Variants in SBF2 observed in about 807,000 individuals in gnomAD.
SBF2 encodes the protein myotubularin-related protein 13.
In SBF2, 112 loss-of-function variants were observed where a neutral mutation model predicts 225.2. The observed-to-expected ratio is 0.50, with a 90% CI of 0.43 to 0.58. The LOEUF is 0.58. SBF2 is among the 20% of genes least tolerant of loss of function. The pLI is 0.00. For missense variants in SBF2, 1,996 were observed against 2,206.2 expected (o/e 0.90, Z 1.91); for synonymous variants, 763 against 773.3 (o/e 0.99, Z 0.22).
chr11:9,967,943 G>C (rs34300530), intron 14 of SBF2, among the ~76,000 whole-genome samples: 20,556 of 101,518 alleles, frequency 0.2, 2,097 homozygotes, highest in Non-Finnish European at 0.29. Context: ...CTGTCTGTCT[G>C]TCTGTCTCTC....
At chr11:10,180,721 G>T (rs1956705415) in intron 2 of SBF2, among the ~76,000 whole-genome samples, 1 of 151,956 alleles carries the variant, frequency 6.6e-6, no homozygotes, top group East Asian at 1.9e-4. Context: ...TGCCCCATTG[G>T]GGCTATTTTC....
chr11:10,175,277 C>A (rs1301850943), intron 2 of SBF2, among the ~76,000 whole-genome samples: 1 of 151,558 alleles, frequency 6.6e-6, no homozygotes, highest in African/African-American at 2.4e-5. Flanking sequence ...ATCTCACGTG[C>A]AGAGACACAC....
At chr11:10,021,302 G>A (rs1948848507) in intron 6 of SBF2, among the ~76,000 whole-genome samples, 1 of 152,158 alleles carries the variant, frequency 6.6e-6, no homozygotes, top group African/African-American at 2.4e-5. Context: ...AACGGGTATG[G>A]ATTAGATTAA....
At chr11:9,802,354 G>C (rs757265937) in intron 32 of SBF2, among the ~76,000 whole-genome samples, 20 of 152,166 alleles carry the variant, frequency 1.3e-4, no homozygotes, top group Non-Finnish European at 2.5e-4. Context: ...TTGACACCTG[G>C]ATATACTGGC....
rs533835650 is a variant in SBF2, at chr11:10,132,831, C to T, written c.141+61071G>A. On this transcript the variant is annotated intron_variant, in intron 2 of 39. Coordinates refer to ENST00000256190, the MANE Select transcript of SBF2 (RefSeq NM_030962.4). ...CCGAGTGGCCTGTTTTGTCAGGGCG[C>T]TGATTGGTGCGTTTACAATCCCTGA... Among the ~76,000 whole-genome samples the T allele has an allele frequency of 1.0e-3, 150 of 149,044 alleles. 5 individuals are homozygous for T. Among genetic ancestry groups the T allele is most frequent in the Non-Finnish European group, 1.8e-3 (119 of 67,434 alleles).
intron 18 of SBF2, among the ~76,000 whole-genome samples, 172 bp downstream of exon 18, chr11:9,858,054 G>T (rs537794986): frequency 1.4e-4 from 21 of 152,182 alleles, no homozygotes; most frequent in African/African-American, 4.8e-4. Context: ...AGTTATTATG[G>T]AAAAACATAA....
intron 2 of SBF2, among the ~76,000 whole-genome samples, chr11:10,143,109 T>C (rs1954722852): frequency 2.0e-5 from 3 of 152,200 alleles, no homozygotes; most frequent in Admixed American, 1.3e-4. Flanking sequence ...CTATAAAATA[T>C]TGATACGGTG....
chr11:10,298,932 G>A (rs1964572157), upstream of SBF2, among the ~76,000 whole-genome samples: 2 of 152,190 alleles, frequency 1.3e-5, no homozygotes, highest in South Asian at 4.1e-4. Context: ...TAAAAGTTAA[G>A]GACAGTAAGC....
chr11:9,788,104 G>A (rs1299934265), intron 35 of SBF2: 1 of 308,710 alleles, frequency 3.2e-6, no homozygotes, highest in Non-Finnish European at 6.2e-6. Flanking sequence ...TAATAGCTGA[G>A]GTAGATGAGA....
chr11:10,197,906 A>C (rs1323773325), intron 1 of SBF2, among the ~76,000 whole-genome samples: 2 of 152,234 alleles, frequency 1.3e-5, no homozygotes, highest in East Asian at 3.8e-4. Context: ...GTGAGATTGT[A>C]GCAATTCAGT....
Position 10,182,728 on chromosome 11 carries a change from A to G in SBF2, c.141+11174T>C, listed in dbSNP as rs1248515810. On this transcript the variant is annotated intron_variant, in intron 2 of 39. Coordinates refer to ENST00000256190, the MANE Select transcript of SBF2 (RefSeq NM_030962.4). ...ACCACCATGTCCAGCTAATTTTTCT[A>G]TGTCTTTTTGTTGTTGTTGTTGTTG... Among the ~76,000 whole-genome samples the G allele has an allele frequency of 2.0e-5, 3 of 148,422 alleles. No homozygotes were observed. The East Asian group carries it at 6.2e-4, about 31-fold the overall frequency.
intron 2 of SBF2, among the ~76,000 whole-genome samples, chr11:10,072,040 C>T (rs554242839): frequency 1.3e-5 from 2 of 152,238 alleles, no homozygotes; most frequent in Admixed American, 1.3e-4. Context: ...TTATGTGTTT[C>T]CTTCCAAATA....
At chr11:10,002,784 A>G (rs2134515016) in intron 6 of SBF2, 95 bp from the exon 7 acceptor site, 1 of 1,167,816 alleles carries the variant, frequency 8.6e-7, no homozygotes, top group East Asian at 2.3e-5. Context: ...AAAGCCAGTA[A>G]TTTTGGACTC....
chr11:10,274,750 CA>C (rs200010291), intron 1 of SBF2, among the ~76,000 whole-genome samples: 13,700 of 104,882 alleles, frequency 0.13, 617 homozygotes, highest in Middle Eastern at 0.18. Context: ...GACTCCATCT[CA>C]AAAAAAAAAA....
intron 32 of SBF2, among the ~76,000 whole-genome samples, chr11:9,800,160 C>G (rs555311002): frequency 1.2e-3 from 176 of 152,078 alleles, no homozygotes; most frequent in Non-Finnish European, 2.1e-3. Context: ...ATTGCTTGAA[C>G]CTGGGAGGCA....
chr11:10,095,511 C>T (rs1250796660), intron 2 of SBF2, among the ~76,000 whole-genome samples: 1 of 150,968 alleles, frequency 6.6e-6, no homozygotes, highest in African/African-American at 2.4e-5. Context: ...CATTTCTTCC[C>T]CAAATAAAAA....
intron 29 of SBF2, among the ~76,000 whole-genome samples, chr11:9,815,523 G>A (rs1290682039): frequency 6.6e-6 from 1 of 151,916 alleles, no homozygotes; most frequent in East Asian, 1.9e-4. Flanking sequence ...GAGGGCAGGA[G>A]GAAGAGAGGG....
chr11:9,872,113 T>C (rs570556805), intron 17 of SBF2, among the ~76,000 whole-genome samples: 18 of 152,322 alleles, frequency 1.2e-4, no homozygotes, highest in African/African-American at 4.3e-4. Context: ...GTGTGGTATA[T>C]ATACACCATG....
Position 9,962,579 on chromosome 11 carries a change from C to A in SBF2, c.1711-473G>T, listed in dbSNP as rs1171265561. 2.0e-5 allele frequency among the ~76,000 whole-genome samples: 3 copies of A among 152,096 alleles called. No homozygotes were observed. In the East Asian group the frequency reaches 5.8e-4, roughly 29 times the overall value. On this transcript the variant is annotated intron_variant, in intron 15 of 39. Transcript: ENST00000256190. ...AGCTTTAAATTATGACTGAAAAGTT[C>A]TACAATCTCTTCTCATTTAAATATC...
Sources: gnomAD v4.1 joint callset for allele counts (sites outside exome capture counted in the v4.1 genomes callset) on GRCh38, gnomAD v4.1.1 for gene constraint, MANE v1.5 for transcripts, NCBI Gene and HGNC (gene_info 2026-07-23, HGNC 2026-07-21) for gene names.